MYO10: variants seen among roughly 807,000 people sequenced by gnomAD.
MYO10 encodes the protein unconventional myosin-X.
Under a neutral mutation model 257.3 loss-of-function variants are expected in MYO10, and 133 were observed. The observed-to-expected ratio is 0.52, with a 90% CI of 0.45 to 0.60. The LOEUF is 0.60. Ranked by LOEUF, MYO10 falls within the 20% of genes least tolerant of loss-of-function variation. The pLI is 0.00. For synonymous variants in MYO10, 1,104 were observed against 1,028.6 expected, an observed-to-expected ratio of 1.07 and a Z score of -1.40; for missense variants, 2,399 against 2,635.7, an observed-to-expected ratio of 0.91 and a Z score of 1.97.
chr5:16,777,839 C>CTTTTTTTTTTT lies in MYO10; in HGVS notation c.930+1695_930+1705dup, dbSNP rs61326508. Among the ~76,000 whole-genome samples the CTTTTTTTTTTT allele has an allele frequency of 2.5e-3, 222 of 88,470 alleles. 34 individuals carry two copies. Among genetic ancestry groups the CTTTTTTTTTTT allele is most frequent in the African/African-American group, 0.011 (214 of 18,644 alleles). The allele number at this position is 88,470 out of a possible 152,430, so 58.0% of individuals were successfully genotyped here. A position where few individuals can be genotyped will look rare whatever the true frequency, so the allele number is the denominator to read the frequency against. On this transcript the variant is annotated intron_variant, in intron 9 of 40. Transcript: ENST00000513610. Reference sequence around the variant, plus strand: ...GCCACCCTAGGTGCATTGCATCTAACTTTTTTTTTTTTTTTTTTTTTTTTT... The same window carrying CTTTTTTTTTTT: ...GCCACCCTAGGTGCATTGCATCTAACTTTTTTTTTTTTTTTTTTTTTTTTTTTTTTTTTTTT...
chr5:16,708,684 C>T (rs781087233), intron 21 of MYO10, among the ~76,000 whole-genome samples: 3 of 152,174 alleles, frequency 2.0e-5, no homozygotes, highest in South Asian at 2.1e-4. Flanking sequence ...ACTCTAGCCA[C>T]GCGAGTAGCT....
chr5:16,734,578 G>A (rs1334225698), intron 19 of MYO10, among the ~76,000 whole-genome samples: 1 of 152,154 alleles, frequency 6.6e-6, no homozygotes, highest in Non-Finnish European at 1.5e-5. Context: ...GCCAAGGTGG[G>A]CGGATCAACT....
Position 16,822,218 on chromosome 5 carries a change from C to T in MYO10, c.121-4051G>A, listed in dbSNP as rs572619020. On this transcript the variant is annotated intron_variant, in intron 2 of 40. Transcript: ENST00000513610. ...GGATGGCGTGTGCGGCAAGCCACCA[C>T]GGCACACGTTTACCTACGTGACAAA... Among the ~76,000 whole-genome samples, 14 of 151,570 alleles carry T rather than the reference C, an allele frequency of 9.2e-5. No homozygotes were observed. The South Asian group carries it at 2.1e-3, about 23-fold the overall frequency.
chr5:16,775,181 G>A (rs1741178495), intron 9 of MYO10, among the ~76,000 whole-genome samples: 2 of 152,126 alleles, frequency 1.3e-5, no homozygotes, highest in Admixed American at 6.6e-5. Flanking sequence ...ACACTTTAAG[G>A]GGCAATTTGA....
At chr5:16,761,139 T>C (rs547562966) in intron 17 of MYO10, among the ~76,000 whole-genome samples, 48 of 152,184 alleles carry the variant, frequency 3.2e-4, no homozygotes, top group South Asian at 6.2e-4. Flanking sequence ...TACAGGTGCC[T>C]GCCACCATGC....
Position 16,763,764 on chromosome 5 carries a change from G to A in MYO10, c.1327-9C>T. On this transcript the variant is annotated splice_polypyrimidine_tract_variant and intron_variant, in intron 12 of 40. Transcript: ENST00000513610. Reference sequence around the variant, plus strand: ...TGTTCAAAGTGATTAACCTAAGGGGGGAAAGCATTCAATAAGTATCTTTAG... The same window carrying A: ...TGTTCAAAGTGATTAACCTAAGGGGAGAAAGCATTCAATAAGTATCTTTAG... The A allele has an allele frequency of 2.0e-6, 3 of 1,500,702 alleles. No homozygotes were observed. The highest frequency in any genetic ancestry group is 2.8e-6 in the Non-Finnish European group (3 of 1,084,420). 93.0% of individuals were successfully genotyped at this position (1,500,702 alleles called of 1,614,324 possible).
chr5:16,745,849 T>C (rs1162549596), intron 19 of MYO10, among the ~76,000 whole-genome samples: 2 of 152,210 alleles, frequency 1.3e-5, no homozygotes, highest in East Asian at 3.9e-4. Context: ...ATTTCCTCAA[T>C]TCTTAATGCA....
chr5:16,747,969 GA>G (rs1350188178), intron 19 of MYO10, among the ~76,000 whole-genome samples: 1 of 98,716 alleles, frequency 1.0e-5, no homozygotes, highest in South Asian at 3.6e-4. Flanking sequence ...GATACAGGAA[GA>G]AAAAAAAAGA....
chr5:16,870,607 T>G (rs1744425926), intron 2 of MYO10, among the ~76,000 whole-genome samples: 1 of 146,400 alleles, frequency 6.8e-6, no homozygotes, highest in African/African-American at 2.7e-5. Context: ...AAATAAAAAT[T>G]TCGCAGCAGG....
intron 19 of MYO10, among the ~76,000 whole-genome samples, chr5:16,751,258 TA>T (rs879647622): frequency 1.0e-3 from 158 of 151,664 alleles, no homozygotes; most frequent in Non-Finnish European, 1.9e-3. Context: ...ATCTTTGGAT[TA>T]AAAAAAATAT....
intron 1 of MYO10, among the ~76,000 whole-genome samples, chr5:16,905,534 G>A (rs1013662392): frequency 6.6e-6 from 1 of 152,080 alleles, no homozygotes; most frequent in Admixed American, 6.6e-5. Flanking sequence ...TGCAGGAACA[G>A]CCACCAGCCA....
intron 1 of MYO10, among the ~76,000 whole-genome samples, chr5:16,914,180 G>A (rs1323074261): frequency 3.3e-5 from 5 of 152,156 alleles, no homozygotes; most frequent in East Asian, 1.9e-4. Flanking sequence ...CAGTACCTAC[G>A]GGAAGCTGGG....
At position 16,689,861 on chromosome 5, in the gene MYO10, T is replaced by G; in HGVS notation, c.3859A>C (p.Thr1287Pro). Residue 1287 changes from threonine to proline, a missense_variant, in exon 28 of 41, where the codon ACT (threonine) becomes CCT (proline). Thr to Pro is a conservative substitution (Grantham distance 38). Transcript: ENST00000513610. ...NGIDIIMADR[T>P]FHLIAESPED... ...GGGGACTCTGCAATCAGGTGGAAAG[T>G]CCTATCGGCCATAATGATGTCGATC... The G allele has an allele frequency of 6.2e-7, 1 of 1,613,692 alleles. No homozygotes were observed. The highest frequency in any genetic ancestry group is 8.5e-7 in the Non-Finnish European group (1 of 1,179,810).
At position 16,774,060 on chromosome 5, in the gene MYO10, T is replaced by C. The variant is rs73053061; in HGVS notation, c.931-4857A>G. On this transcript the variant is annotated intron_variant, in intron 9 of 40. Transcript: ENST00000513610. ...TGTTAATAAGCAATCTCCACCCCTTTGACAAGAGTAGCCACTTCAAGGCTT... is the reference window on the plus strand; with the variant it reads ...TGTTAATAAGCAATCTCCACCCCTTCGACAAGAGTAGCCACTTCAAGGCTT... 2.6e-3 allele frequency among the ~76,000 whole-genome samples: 394 copies of C among 152,342 alleles called. 1 individual carries two copies. Among genetic ancestry groups the C allele is most frequent in the African/African-American group, 9.2e-3 (383 of 41,590 alleles).
intron 19 of MYO10, among the ~76,000 whole-genome samples, chr5:16,727,625 C>CAATG (rs1739421322): frequency 6.6e-6 from 1 of 152,198 alleles, no homozygotes; most frequent in Non-Finnish European, 1.5e-5. Flanking sequence ...AAGATCAAGA[C>CAATG]AATGATTCTC....
Position 16,666,491 on chromosome 5 carries a change from C to T in MYO10, c.*201G>A. 1.8e-6 allele frequency: 1 copy of T among 546,256 alleles called. No individual in the cohort carries two copies. Among genetic ancestry groups the T allele is most frequent in the East Asian group, 3.1e-5 (1 of 32,496 alleles). The allele number at this position is 546,256 out of a possible 1,614,324, so 33.8% of individuals were successfully genotyped here. A position where few individuals can be genotyped will look rare whatever the true frequency, so the allele number is the denominator to read the frequency against. ...AGTAAAGCTTTGGAAACTGTGCAGA[C>T]TGTTAAAGTTGACAGCTTAATACAG... On this transcript the variant is annotated 3_prime_UTR_variant, in exon 41 of 41. Coordinates refer to ENST00000513610, the MANE Select transcript of MYO10 (RefSeq NM_012334.3).
At chr5:16,818,409 T>TATATAC in intron 2 of MYO10, among the ~76,000 whole-genome samples, 108 of 86,240 alleles carry the variant, frequency 1.3e-3, no homozygotes, top group African/African-American at 3.9e-3. Flanking sequence ...TGTGTGTGTG[T>TATATAC]GTATATATAT....
At chr5:16,934,150 C>CT (rs891835044) in intron 1 of MYO10, among the ~76,000 whole-genome samples, 1 of 152,204 alleles carries the variant, frequency 6.6e-6, no homozygotes, top group African/African-American at 2.4e-5. Context: ...GAAAAGAGTA[C>CT]TTTGAAAAGT....
intron 17 of MYO10, among the ~76,000 whole-genome samples, chr5:16,760,851 C>T (rs1016843025): frequency 2.6e-4 from 39 of 152,260 alleles, no homozygotes; most frequent in Admixed American, 9.8e-4. Context: ...ACAGCTTTAA[C>T]TGCTTCAAGG....
Sources: gnomAD v4.1 joint callset for allele counts (sites outside exome capture counted in the v4.1 genomes callset) on GRCh38, gnomAD v4.1.1 for gene constraint, MANE v1.5 for transcripts, NCBI Gene and HGNC (gene_info 2026-07-23, HGNC 2026-07-21) for gene names.